The following FTO variants were observed in gnomAD, a reference collection of about 807,000 sequenced individuals.
The protein encoded by FTO is alpha-ketoglutarate-dependent dioxygenase FTO.
In FTO, 47 loss-of-function variants were observed where a neutral mutation model predicts 63.9. The ratio of observed to expected loss-of-function variants is 0.74; its 90% CI spans 0.58 to 0.94. FTO has a LOEUF of 0.94. Ranked by LOEUF, FTO falls within the 40% of genes least tolerant of loss-of-function variation. FTO has a pLI of 0.00. For synonymous variants in FTO, 207 were observed against 224.4 expected (o/e 0.92, Z 0.69); for missense variants, 562 against 618.1 (o/e 0.91, Z 0.96).
chr16:54,022,201 A>G (rs1288432541), intron 8 of FTO, among the ~76,000 whole-genome samples: 2 of 152,222 alleles, frequency 1.3e-5, no homozygotes, highest in South Asian at 2.1e-4. Context: ...TTTGGGGACT[A>G]GTAAGTCATG....
chr16:53,759,886 T>C (rs13333228), intron 1 of FTO, among the ~76,000 whole-genome samples: 110,762 of 151,726 alleles, frequency 0.73, 41,603 homozygotes, highest in African/African-American at 0.91. Context: ...AGAGCTCTCA[T>C]TTGCATCCTG....
chr16:54,059,952 C>T (rs1421808389), intron 8 of FTO, among the ~76,000 whole-genome samples: 6 of 151,828 alleles, frequency 4.0e-5, no homozygotes, highest in African/African-American at 7.3e-5. Flanking sequence ...CAAAATAAAA[C>T]GTGTTTTAAA....
At chr16:54,026,221 A>G (rs554384794) in intron 8 of FTO, among the ~76,000 whole-genome samples, 1 of 152,270 alleles carries the variant, frequency 6.6e-6, no homozygotes, top group East Asian at 1.9e-4. Flanking sequence ...AACATCACCA[A>G]TGTTCATGGC....
At chr16:54,007,073 A>G (rs1336434261) in intron 8 of FTO, among the ~76,000 whole-genome samples, 3 of 152,228 alleles carry the variant, frequency 2.0e-5, no homozygotes, top group Non-Finnish European at 2.9e-5. Context: ...TAATTTGCTT[A>G]GTGAAATACA....
Position 53,772,510 on chromosome 16 carries a change from T to C in FTO, c.46-37630T>C, listed in dbSNP as rs1338034688. ...GTATCATCAACATGTGATACACTGT[T>C]TTCTTGTTTGTTTTTTATCTGTCTT... is the stretch of plus-strand genomic sequence containing the variant. On this transcript the variant is annotated intron_variant, in intron 1 of 8. Transcript: ENST00000471389. Among the ~76,000 whole-genome samples the C allele has an allele frequency of 2.6e-5, 4 of 152,126 alleles. 1 individual carries two copies. Among genetic ancestry groups the C allele is most frequent in the Admixed American group, 2.6e-4 (4 of 15,256 alleles).
At chr16:53,812,164 T>C (rs1005938980) in intron 2 of FTO, among the ~76,000 whole-genome samples, 2 of 152,266 alleles carry the variant, frequency 1.3e-5, no homozygotes, top group South Asian at 4.1e-4. Flanking sequence ...TAACAGCTCA[T>C]ATGTCATCTC....
intron 8 of FTO, among the ~76,000 whole-genome samples, chr16:54,031,492 C>T (rs546119687): frequency 1.3e-5 from 2 of 152,070 alleles, no homozygotes; most frequent in South Asian, 2.1e-4. Flanking sequence ...ATAGCACGGG[C>T]GTCAAAACTG....
At position 53,809,981 on chromosome 16, in the gene FTO, T is replaced by C. The variant is rs1254524071; in HGVS notation, c.46-159T>C. ...AAAAAGATGTATGTAATTTAATTAATATATTTTATAATTGAGATTTGACTA... is the reference window on the plus strand; with the variant it reads ...AAAAAGATGTATGTAATTTAATTAACATATTTTATAATTGAGATTTGACTA... On this transcript the variant is annotated intron_variant, in intron 1 of 8. Coordinates refer to ENST00000471389, the MANE Select transcript of FTO (RefSeq NM_001080432.3). Among the ~76,000 whole-genome samples, 13 of 152,210 alleles carry C rather than the reference T, an allele frequency of 8.5e-5. No homozygotes were observed. In the East Asian group the frequency reaches 2.5e-3, roughly 29 times the overall value.
At chr16:54,052,601 T>A (rs1164515391) in intron 8 of FTO, 2 of 152,214 alleles carry the variant, frequency 1.3e-5, no homozygotes, top group African/African-American at 4.8e-5. Flanking sequence ...GTGCCTTCCT[T>A]TTCAAGGGCA....
At chr16:54,026,367 A>G (rs549441630) in intron 8 of FTO, among the ~76,000 whole-genome samples, 24 of 152,314 alleles carry the variant, frequency 1.6e-4, no homozygotes, top group Non-Finnish European at 3.1e-4. Context: ...AAGGGAGGGA[A>G]GGGTATAATG....
At chr16:54,075,562 A>G (rs550098674) in intron 8 of FTO, among the ~76,000 whole-genome samples, 1 of 152,358 alleles carries the variant, frequency 6.6e-6, no homozygotes, top group Non-Finnish European at 1.5e-5. Flanking sequence ...TTTCTAAAAG[A>G]TGATAGTTTT....
At chr16:54,104,778 A>ACTT (rs2086712013) in intron 8 of FTO, among the ~76,000 whole-genome samples, 1 of 152,204 alleles carries the variant, frequency 6.6e-6, no homozygotes, top group South Asian at 2.1e-4. Context: ...AGAAGAGGAG[A>ACTT]CTTTTAAACA....
At chr16:53,902,465 T>G (rs1242146001) in intron 7 of FTO, among the ~76,000 whole-genome samples, 3 of 152,252 alleles carry the variant, frequency 2.0e-5, no homozygotes, top group Non-Finnish European at 4.4e-5. Context: ...GATATTTCTC[T>G]GATGCATTCG....
intron 8 of FTO, among the ~76,000 whole-genome samples, chr16:54,068,244 A>T (rs2085779407): frequency 6.6e-6 from 1 of 150,850 alleles, no homozygotes; most frequent in Non-Finnish European, 1.5e-5. Context: ...TCATTTTCTT[A>T]TTTTTCTTTT....
rs199575617 is a variant in FTO at position 53,761,037 on chromosome 16, CT to C, written c.46-49102del. The stretch of plus-strand genomic sequence containing the variant: ...CCTTTCTTTCCCTTTCCCTTTCCTT[CT>C]CCCTTCCTCCCTCCCTCCCTTCCTT... On this transcript the variant is annotated intron_variant, in intron 1 of 8. Transcript: ENST00000471389. Among the ~76,000 whole-genome samples, 737 of 150,420 alleles carry C rather than the reference CT, an allele frequency of 4.9e-3. 7 individuals are homozygous for C. The highest frequency in any genetic ancestry group is 0.017 in the African/African-American group (703 of 41,002).
At chr16:53,992,681 T>C (rs535411501) in intron 8 of FTO, 1 of 152,124 alleles carries the variant, frequency 6.6e-6, no homozygotes, top group Non-Finnish European at 1.5e-5. Context: ...TTGTAACCCA[T>C]TATTAGAGTA....
At chr16:53,900,637 C>A (rs1399923774) in intron 7 of FTO, among the ~76,000 whole-genome samples, 2 of 29,214 alleles carry the variant, frequency 6.8e-5, no homozygotes, top group South Asian at 9.8e-4. Context: ...TTTTTTTTTG[C>A]AGATAAGTGT....
chr16:53,768,638 T>C (rs888752577), intron 1 of FTO, among the ~76,000 whole-genome samples: 13 of 152,192 alleles, frequency 8.5e-5, no homozygotes, highest in Non-Finnish European at 1.5e-4. Flanking sequence ...AGAAATGGCC[T>C]CTGTTTAGCT....
chr16:54,056,193 G>A (rs189612812), intron 8 of FTO, among the ~76,000 whole-genome samples: 24 of 152,262 alleles, frequency 1.6e-4, no homozygotes, highest in Admixed American at 1.2e-3. Flanking sequence ...AGGGTGCTCC[G>A]TGCTCTCACA....
Sources: gnomAD v4.1 joint callset for allele counts (sites outside exome capture counted in the v4.1 genomes callset) on GRCh38, gnomAD v4.1.1 for gene constraint, MANE v1.5 for transcripts, NCBI Gene and HGNC (gene_info 2026-07-23, HGNC 2026-07-21) for gene names.